Variants in RUNX1 observed in about 807,000 individuals in gnomAD.
The protein encoded by RUNX1 is runt-related transcription factor 1.
RUNX1 carries 19 observed loss-of-function variants against 42.8 expected under a neutral mutation model. The observed-to-expected ratio is 0.44, with a 90% CI of 0.31 to 0.65. The LOEUF is 0.65. Among genes scored for constraint, RUNX1 ranks in the 30% least tolerant of loss-of-function variants. RUNX1 has a pLI of 0.07. For missense variants in RUNX1, 528 were observed against 672.0 expected (o/e 0.79, Z 2.37); for synonymous variants, 271 against 289.4 (o/e 0.94, Z 0.64).
rs2056418442 is a variant in RUNX1, at chr21:34,790,309, A to T, written c.*1826T>A. The T allele has an allele frequency of 4.3e-6, 1 of 233,544 alleles. No individual in the cohort carries two copies. The highest frequency in any genetic ancestry group is 2.2e-5 in the African/African-American group (1 of 45,374). 14.5% of individuals were successfully genotyped at this position (233,544 alleles called of 1,614,324 possible). ...CTGCCTGCAGCCAAAGATTTGCCTA[A>T]TTTGAATGCTTAAATTTATAAAATA... On this transcript the variant is annotated 3_prime_UTR_variant, in exon 9 of 9. Coordinates refer to ENST00000675419, the MANE Select transcript of RUNX1 (RefSeq NM_001754.5).
At chr21:34,983,325 C>G (rs2058861262) in intron 2 of RUNX1, among the ~76,000 whole-genome samples, 1 of 152,168 alleles carries the variant, frequency 6.6e-6, no homozygotes, top group South Asian at 2.1e-4. Context: ...TTATTTCTCT[C>G]AAACTCTTAA....
intron 2 of RUNX1, among the ~76,000 whole-genome samples, chr21:35,010,742 T>C (rs1311898936): frequency 1.3e-5 from 2 of 152,182 alleles, no homozygotes; most frequent in Non-Finnish European, 2.9e-5. Flanking sequence ...CATGTAATTT[T>C]ACATAAACAC....
chr21:34,859,350 G>A (rs761503040), intron 6 of RUNX1, 124 bp downstream of exon 6: 3 of 818,988 alleles, frequency 3.7e-6, no homozygotes, highest in Non-Finnish European at 6.4e-6. Context: ...TGGCTTTACG[G>A]GGGCCTGACA....
chr21:35,011,313 A>G (rs1376860073), intron 2 of RUNX1, among the ~76,000 whole-genome samples: 2 of 152,176 alleles, frequency 1.3e-5, no homozygotes, highest in African/African-American at 2.4e-5. Context: ...ACACATGACA[A>G]TTGATCCAGG....
At chr21:35,013,361 T>A (rs2059138974) in intron 2 of RUNX1, among the ~76,000 whole-genome samples, 1 of 152,232 alleles carries the variant, frequency 6.6e-6, no homozygotes, top group African/African-American at 2.4e-5. Context: ...TTTATACATA[T>A]AAATCTAGTT....
At position 34,982,397 on chromosome 21, in the gene RUNX1, G is replaced by GGTGTGTGTGTGTGTGT. The variant is rs56091299; in HGVS notation, c.58+66429_58+66444dup. On this transcript the variant is annotated intron_variant, in intron 2 of 8. Transcript: ENST00000675419. ...AAGGCTCAATTATGAAGTCAAAAGG[G>GGTGTGTGTGTGTGTGT]GTGTGTGTGTGTGTGTGTGTGACGG... Among the ~76,000 whole-genome samples, 991 of 148,296 alleles carry GGTGTGTGTGTGTGTGT rather than the reference G, an allele frequency of 6.7e-3. 14 individuals are homozygous for GGTGTGTGTGTGTGTGT. Among genetic ancestry groups the GGTGTGTGTGTGTGTGT allele is most frequent in the African/African-American group, 0.015 (611 of 39,874 alleles).
chr21:35,025,418 C>T (rs9981422), intron 2 of RUNX1, among the ~76,000 whole-genome samples: 202 of 152,268 alleles, frequency 1.3e-3, no homozygotes, highest in Non-Finnish European at 2.6e-3. Flanking sequence ...GCTCCTCCCC[C>T]AGACGTTCCG....
intron 2 of RUNX1, among the ~76,000 whole-genome samples, chr21:34,961,113 C>T (rs929474784): frequency 6.6e-5 from 10 of 152,080 alleles, no homozygotes; most frequent in African/African-American, 1.9e-4. Flanking sequence ...TGGTGGCTCA[C>T]GCCTGTAATC....
chr21:34,965,880 C>T (rs2058715008), intron 2 of RUNX1, among the ~76,000 whole-genome samples: 1 of 152,226 alleles, frequency 6.6e-6, no homozygotes, highest in Admixed American at 6.5e-5. Context: ...TGCTAAGGGT[C>T]ACACCTGGTG....
chr21:34,826,864 T>G (rs2056995723), intron 7 of RUNX1, among the ~76,000 whole-genome samples: 1 of 152,230 alleles, frequency 6.6e-6, no homozygotes, highest in Non-Finnish European at 1.5e-5. Context: ...TGAAAGTGTG[T>G]AAGTGGCTTT....
chr21:34,870,347 C>T (rs75180589), intron 5 of RUNX1, among the ~76,000 whole-genome samples: 2 of 152,156 alleles, frequency 1.3e-5, no homozygotes, highest in Admixed American at 1.3e-4. Context: ...CAGACAAGGG[C>T]AAAATCAGGC....
chr21:34,927,999 C>T (rs916964668), intron 2 of RUNX1, among the ~76,000 whole-genome samples: 6 of 152,048 alleles, frequency 3.9e-5, no homozygotes, highest in African/African-American at 1.5e-4. Flanking sequence ...GGGGTAGGAC[C>T]CAGTCTTTGG....
chr21:34,823,694 C>T (rs1052860653), intron 7 of RUNX1, among the ~76,000 whole-genome samples: 2 of 152,086 alleles, frequency 1.3e-5, no homozygotes, highest in South Asian at 2.1e-4. Flanking sequence ...CCACCCACCT[C>T]GGTCTCCCAA....
chr21:34,926,211 A>C (rs1417509771), intron 2 of RUNX1, among the ~76,000 whole-genome samples: 1 of 152,090 alleles, frequency 6.6e-6, no homozygotes, highest in Non-Finnish European at 1.5e-5. Context: ...GTGGTGGCTC[A>C]TACCTGTAAT....
At chr21:34,926,378 G>A (rs2058393592) in intron 2 of RUNX1, among the ~76,000 whole-genome samples, 1 of 138,394 alleles carries the variant, frequency 7.2e-6, no homozygotes, top group Admixed American at 8.4e-5. Flanking sequence ...GCTGAGACAG[G>A]AGGATCCCTT....
At chr21:34,980,023 C>T (rs1234469763) in intron 2 of RUNX1, among the ~76,000 whole-genome samples, 9 of 152,202 alleles carry the variant, frequency 5.9e-5, no homozygotes, top group Non-Finnish European at 1.0e-4. Context: ...TTAAACAACA[C>T]GAATCCTGCA....
chr21:34,814,538 G>A (rs2056799420), intron 7 of RUNX1, among the ~76,000 whole-genome samples: 1 of 152,180 alleles, frequency 6.6e-6, no homozygotes, highest in Non-Finnish European at 1.5e-5. Context: ...TCTTTCAAGT[G>A]GATTAAATTC....
chr21:35,002,028 A>T (rs568380650), intron 2 of RUNX1, among the ~76,000 whole-genome samples: 116 of 152,316 alleles, frequency 7.6e-4, no homozygotes, highest in Non-Finnish European at 9.3e-4. Context: ...ATGTTCATGG[A>T]TTGGAAGACC....
At chr21:34,884,162 A>G (rs1401631358) in intron 4 of RUNX1, among the ~76,000 whole-genome samples, 1 of 152,226 alleles carries the variant, frequency 6.6e-6, no homozygotes, top group Non-Finnish European at 1.5e-5. Flanking sequence ...TTTTCTTAGT[A>G]GTAAAAAACA....
Sources: gnomAD v4.1 joint callset for allele counts (sites outside exome capture counted in the v4.1 genomes callset) on GRCh38, gnomAD v4.1.1 for gene constraint, MANE v1.5 for transcripts, NCBI Gene and HGNC (gene_info 2026-07-23, HGNC 2026-07-21) for gene names.